Variants in EP400 observed in about 807,000 individuals in gnomAD.
The protein encoded by EP400 is E1A binding protein p400.
A neutral mutation model predicts 354.1 loss-of-function variants in EP400; 105 were observed. The ratio of observed to expected loss-of-function variants is 0.30; its 90% confidence interval spans 0.25 to 0.35. The LOEUF is 0.35. EP400 is among the 10% of genes least tolerant of loss of function. The pLI is 1.00. For synonymous variants in EP400, 1,646 were observed against 1,716.9 expected (o/e 0.96, Z 1.02); for missense variants, 3,280 against 4,121.0 (o/e 0.80, Z 5.59).
chr12:132,023,689 A>C, intron 23 of EP400, 88 bp from the exon 24 acceptor site: 4 of 1,311,322 alleles, frequency 3.1e-6, no homozygotes, highest in Non-Finnish European at 2.1e-6. Context: ...ATAGATGGTC[A>C]TTATATACAA....
chr12:132,029,730 C>G lies in EP400; in HGVS notation c.5411C>G (p.Ala1804Gly), dbSNP rs1894423560. 6.2e-7 allele frequency: 1 copy of G among 1,613,068 alleles called. No homozygotes were observed. Among genetic ancestry groups the G allele is most frequent in the African/African-American group, 1.3e-5 (1 of 75,032 alleles). ...GCCTTTGTGATTCCTCCGGTGGTGG[C>G]AGCACCCCCGTCCCTACGGGTGCCG... ...RVAFVIPPVV[A>G]APPSLRVPRP... The change falls in exon 28 of 53, where the codon GCA (alanine) becomes GGA (glycine). Residue 1804 changes from alanine (A) to glycine (G), a missense_variant. This residue lies in a region of EP400 where 459 missense variants were observed against 496.9 expected (regional missense o/e 0.92). Transcript: ENST00000389561. The surrounding 1 kb of genome is among the most constrained non-coding windows in gnomAD (Gnocchi z 4.7).
chr12:132,042,934 TG>T (rs1160381287), intron 32 of EP400, among the ~76,000 whole-genome samples: 5 of 152,218 alleles, frequency 3.3e-5, no homozygotes, highest in Non-Finnish European at 7.4e-5. Context: ...TCAGGAGCTG[TG>T]GGCAGTGGTG....
chr12:131,968,139 A>T (rs962316614), intron 2 of EP400, among the ~76,000 whole-genome samples: 2 of 151,650 alleles, frequency 1.3e-5, no homozygotes, highest in African/African-American at 4.9e-5. Context: ...TCTTTTATGG[A>T]TTTGCTTTTG....
intron 12 of EP400, among the ~76,000 whole-genome samples, chr12:132,001,268 G>T (rs1893402428): frequency 6.6e-6 from 1 of 152,184 alleles, no homozygotes; most frequent in Non-Finnish European, 1.5e-5. Context: ...AATAGTGTGA[G>T]TCATCTCCAA....
At chr12:132,048,497 A>G (rs894152110) in intron 39 of EP400, among the ~76,000 whole-genome samples, 2 of 151,162 alleles carry the variant, frequency 1.3e-5, no homozygotes, top group African/African-American at 4.9e-5. Context: ...AAAGGCAAAA[A>G]TATTTGTAAA....
rs543961928 is a variant in EP400, at chr12:132,055,642, GGT to G, written c.7884+442_7884+443del. Among the ~76,000 whole-genome samples the G allele has an allele frequency of 1.1e-3, 145 of 127,090 alleles. 3 individuals are homozygous for G. The highest frequency in any genetic ancestry group is 4.3e-3 in the African/African-American group (139 of 32,604). The allele number at this position is 127,090 out of a possible 152,430, so 83.4% of individuals were successfully genotyped here. A position where few individuals can be genotyped will look rare whatever the true frequency, so the allele number is the denominator to read the frequency against. ...AGGGGTTGTGTGTGTGAGGTGTAGG[GGT>G]GTGTGTGAGGTGTAGGGGTATGTGT... On this transcript the variant is annotated intron_variant, in intron 45 of 52. Coordinates refer to ENST00000389561, the MANE Select transcript of EP400 (RefSeq NM_015409.5).
intron 29 of EP400, 63 bp downstream of exon 29, chr12:132,030,221 G>A (rs1894443214): frequency 1.3e-6 from 2 of 1,576,754 alleles, no homozygotes; most frequent in Non-Finnish European, 1.7e-6. Flanking sequence ...ATGCCTAAGT[G>A]CTGTGTAAAT....
In EP400 at chr12:132,070,559, C is replaced by A. The variant is rs1896037209; in HGVS notation, c.9021+918C>A. Among the ~76,000 whole-genome samples, 1 of 152,222 alleles carries A rather than the reference C, an allele frequency of 6.6e-6. No individual in the cohort carries two copies. Among genetic ancestry groups the A allele is most frequent in the African/African-American group, 2.4e-5 (1 of 41,448 alleles). Reference sequence around the variant, plus strand: ...GTAGCGTGCCTATTCTTGGCTCTTTCCACTTCTGTGTTAATTTTAGTTAGC... The same window carrying A: ...GTAGCGTGCCTATTCTTGGCTCTTTACACTTCTGTGTTAATTTTAGTTAGC... On this transcript the variant is annotated intron_variant, in intron 51 of 52. Coordinates refer to ENST00000389561, the MANE Select transcript of EP400 (RefSeq NM_015409.5). This position sits in a 1 kb window ranked among gnomAD's most constrained non-coding sequence, Gnocchi z 4.1.
intron 51 of EP400, among the ~76,000 whole-genome samples, chr12:132,073,919 GT>G (rs34186152): frequency 0.015 from 1,235 of 82,030 alleles, no homozygotes; most frequent in African/African-American, 0.055. Context: ...GTTTTTTGGG[GT>G]TTTTTTTTTT....
Position 132,025,673 on chromosome 12 carries a change from C to T in EP400, c.4883C>T (p.Pro1628Leu). The change falls in exon 25 of 53, where the codon CCC (proline) becomes CTC (leucine). Residue 1628 changes from proline (P) to leucine (L), a missense_variant. By Grantham distance (98) the Pro-to-Leu change is moderately conservative. Transcript: ENST00000389561. The surrounding 1 kb of genome is among the most constrained non-coding windows in gnomAD (Gnocchi z 4.1). ...AGCGTCCTCCAGATCGTGTCCGCCC[C>T]CGGGCAGCCCTACCTTCGAGCCCCT... ...QGSVLQIVSA[P>L]GQPYLRAPGP... is the part of the protein sequence containing the mutation. 3 of 1,610,966 alleles carry T rather than the reference C, an allele frequency of 1.9e-6. No individual in the cohort carries two copies. Among genetic ancestry groups the T allele is most frequent in the Non-Finnish European group, 2.5e-6 (3 of 1,178,754 alleles).
intron 45 of EP400, among the ~76,000 whole-genome samples, chr12:132,058,791 CTTT>C (rs58651614): frequency 1.7e-4 from 24 of 138,952 alleles, no homozygotes; most frequent in Admixed American, 2.9e-4. Context: ...CGATTTCTTC[CTTT>C]TTTTTTTTTT....
chr12:132,019,734 C>G (rs773136224), intron 21 of EP400, among the ~76,000 whole-genome samples: 3 of 152,170 alleles, frequency 2.0e-5, no homozygotes, highest in Admixed American at 1.3e-4. Context: ...GTAATAGATG[C>G]GTTGTTTTCT....
chr12:131,954,336 C>T (rs1891619863), intron 1 of EP400, among the ~76,000 whole-genome samples: 1 of 151,762 alleles, frequency 6.6e-6, no homozygotes, highest in Non-Finnish European at 1.5e-5. Context: ...CCTGTAATCC[C>T]AGCACTTTGG....
intron 2 of EP400, among the ~76,000 whole-genome samples, chr12:131,971,966 A>G (rs1234517607): frequency 6.6e-6 from 1 of 152,090 alleles, no homozygotes; most frequent in African/African-American, 2.4e-5. Flanking sequence ...TGTATGTGTG[A>G]TGTATTTCCT....
At chr12:131,954,674 GA>G (rs1566157506) in intron 1 of EP400, among the ~76,000 whole-genome samples, 4 of 127,064 alleles carry the variant, frequency 3.1e-5, no homozygotes, top group East Asian at 5.4e-4. Flanking sequence ...GCAGTGAGCC[GA>G]AATCACGCCA....
Position 132,018,528 on chromosome 12 carries a change from T to A in EP400, c.4277+152T>A. 7 of 1,163,464 alleles carry A rather than the reference T, an allele frequency of 6.0e-6. No homozygotes were observed. The highest frequency in any genetic ancestry group is 7.1e-6 in the Non-Finnish European group (6 of 848,206). 72.1% of individuals were successfully genotyped at this position (1,163,464 alleles called of 1,614,324 possible). Reference sequence around the variant, plus strand: ...CTGGTGTCCTTGGCTGTGGTATGCCTGGCTCTGCAGATGCCTTTTAGGCTG... The same window carrying A: ...CTGGTGTCCTTGGCTGTGGTATGCCAGGCTCTGCAGATGCCTTTTAGGCTG... On this transcript the variant is annotated intron_variant, in intron 21 of 52. Transcript: ENST00000389561. The surrounding 1 kb of genome is among the most constrained non-coding windows in gnomAD (Gnocchi z 4.0).
intron 3 of EP400, among the ~76,000 whole-genome samples, chr12:131,981,021 TA>T (rs1431233781): frequency 6.6e-6 from 1 of 152,236 alleles, no homozygotes. Context: ...TTATTAGGTA[TA>T]AGTCATTTAA....
intron 13 of EP400, among the ~76,000 whole-genome samples, 194 bp downstream of exon 13, chr12:132,005,378 T>C (rs1215402414): frequency 6.6e-6 from 1 of 152,244 alleles, no homozygotes; most frequent in Non-Finnish European, 1.5e-5. Context: ...GGCACAGTTA[T>C]CGGGGCACTT....
At chr12:131,995,082 G>A in intron 12 of EP400, 126 bp downstream of exon 12, 1 of 868,664 alleles carries the variant, frequency 1.2e-6, no homozygotes, top group East Asian at 2.9e-5. Context: ...AACAGTCCCT[G>A]TGTGCCTCCT....
Sources: allele counts gnomAD v4.1 joint callset (sites outside exome capture counted in the v4.1 genomes callset), GRCh38; gene constraint gnomAD v4.1.1; regional missense constraint gnomAD v4.1.1; non-coding constraint Gnocchi (gnomAD v3.1); transcripts MANE v1.5; gene names NCBI Gene and HGNC (gene_info 2026-07-23, HGNC 2026-07-21).